Variants in DPP4 observed in about 807,000 individuals in gnomAD.
DPP4 encodes the protein ADCP-2.
In DPP4, 93 loss-of-function variants were observed where a neutral mutation model predicts 122.4. The ratio of observed to expected loss-of-function variants is 0.76; its 90% CI spans 0.64 to 0.90. The LOEUF (loss-of-function observed/expected upper bound fraction) is 0.90, where lower values mean the gene tolerates loss of function less well. Among genes scored for constraint, DPP4 ranks in the 40% least tolerant of loss-of-function variants. The probability of loss-of-function intolerance (pLI) is 0.00; values close to 1 mark genes in which losing one functional copy is unlikely to be tolerated. For synonymous variants in DPP4, 321 were observed against 302.9 expected (o/e 1.06, Z -0.62); for missense variants, 914 against 907.3 (o/e 1.01, Z -0.09).
chr2:162,066,286 T>C (rs1279313717), intron 2 of DPP4, among the ~76,000 whole-genome samples: 1 of 151,964 alleles, frequency 6.6e-6, no homozygotes, highest in Non-Finnish European at 1.5e-5. Context: ...CCTCCAGTGC[T>C]ACCATCCTTC....
At chr2:162,065,905 C>A (rs1684931777) in intron 2 of DPP4, among the ~76,000 whole-genome samples, 1 of 152,136 alleles carries the variant, frequency 6.6e-6, no homozygotes, top group South Asian at 2.1e-4. Context: ...GTCTTTCTAT[C>A]CCTAGGGACC....
intron 4 of DPP4, among the ~76,000 whole-genome samples, chr2:162,046,264 C>G (rs545537310): frequency 3.3e-5 from 5 of 152,004 alleles, no homozygotes; most frequent in Non-Finnish European, 5.9e-5. Context: ...AGGGTTTAAG[C>G]GAGGACTGTC....
At chr2:162,062,780 A>G (rs1342375798) in intron 2 of DPP4, among the ~76,000 whole-genome samples, 2 of 152,194 alleles carry the variant, frequency 1.3e-5, no homozygotes, top group Non-Finnish European at 2.9e-5. Context: ...CATGTGATTC[A>G]GTCAGGCCCA....
chr2:162,030,412 G>A (rs560547498), intron 10 of DPP4, among the ~76,000 whole-genome samples: 2 of 152,292 alleles, frequency 1.3e-5, no homozygotes, highest in African/African-American at 4.8e-5. Flanking sequence ...TCCTCCTGTG[G>A]ATTTCACTTG....
At chr2:162,054,083 G>T (rs1684480668) in intron 2 of DPP4, among the ~76,000 whole-genome samples, 1 of 152,202 alleles carries the variant, frequency 6.6e-6, no homozygotes, top group African/African-American at 2.4e-5. Flanking sequence ...ACCCTAGCAT[G>T]TCTGAAACAT....
intron 20 of DPP4, among the ~76,000 whole-genome samples, chr2:162,011,522 A>G (rs1020382929): frequency 6.6e-6 from 1 of 152,096 alleles, no homozygotes; most frequent in Non-Finnish European, 1.5e-5. Flanking sequence ...TTCTGTTCTT[A>G]GAATGTGGTA....
intron 5 of DPP4, among the ~76,000 whole-genome samples, chr2:162,041,399 T>G (rs1186876074): frequency 6.6e-6 from 1 of 152,146 alleles, no homozygotes; most frequent in Non-Finnish European, 1.5e-5. Context: ...AATAAAATTC[T>G]AATTGTATCA....
chr2:162,062,468 T>TA (rs1684807840), intron 2 of DPP4, among the ~76,000 whole-genome samples: 1 of 152,350 alleles, frequency 6.6e-6, no homozygotes, highest in South Asian at 2.1e-4. Flanking sequence ...ATTGTGAGGT[T>TA]AAAATCAAAG....
At chr2:162,073,827 G>C in intron 1 of DPP4, 149 bp downstream of exon 1, 1 of 1,083,044 alleles carries the variant, frequency 9.2e-7, no homozygotes. Context: ...AGAGCTCTGG[G>C]ACGTCCCTTC....
chr2:162,014,036 G>T (rs1682813432), intron 19 of DPP4, among the ~76,000 whole-genome samples: 1 of 152,134 alleles, frequency 6.6e-6, no homozygotes, highest in African/African-American at 2.4e-5. Context: ...AGTGGGAGCT[G>T]GGGTAAGGGA....
At chr2:162,014,836 T>C (rs1682852024) in intron 18 of DPP4, among the ~76,000 whole-genome samples, 1 of 152,250 alleles carries the variant, frequency 6.6e-6, no homozygotes. Flanking sequence ...CAAAATGTTT[T>C]CCTCTTCTTG....
At chr2:162,072,170 T>G (rs942337785) in intron 2 of DPP4, among the ~76,000 whole-genome samples, 1 of 152,356 alleles carries the variant, frequency 6.6e-6, no homozygotes, top group Non-Finnish European at 1.5e-5. Context: ...ACTAACGCGG[T>G]GCCTGGAACA....
In DPP4 at chr2:161,995,352, T is replaced by C. The variant is rs1320283875; in HGVS notation, c.2073A>G (p.Arg691=). 6.2e-7 allele frequency: 1 copy of C among 1,614,040 alleles called. No individual in the cohort carries two copies. Among genetic ancestry groups the C allele is most frequent in the East Asian group, 2.2e-5 (1 of 44,880 alleles). The change falls in exon 24 of 26, where the codon AGA becomes AGG. Residue 691 remains arginine (R), a synonymous_variant. Transcript: ENST00000360534. ...ACTCAACTTGTTTAAAATTTTCAGC[T>C]CTGCTCATGACTGTTGAATTCTGGA... ...DHYRNSTVMS[R]AENFKQVEYL...
intron 10 of DPP4, among the ~76,000 whole-genome samples, chr2:162,030,194 T>C (rs1433870810): frequency 2.0e-5 from 3 of 152,240 alleles, no homozygotes; most frequent in East Asian, 3.8e-4. Flanking sequence ...TTTCCAGTTC[T>C]CATTATGAAC....
intron 20 of DPP4, among the ~76,000 whole-genome samples, chr2:162,009,507 T>A (rs1701365135): frequency 7.2e-6 from 1 of 138,372 alleles, no homozygotes; most frequent in Non-Finnish European, 1.5e-5. Context: ...TTGGAGTTCA[T>A]AAAAATTGTG....
Position 161,997,623 on chromosome 2 carries a change from C to G in DPP4, c.2053-2251G>C, listed in dbSNP as rs530770383. 6.8e-4 allele frequency among the ~76,000 whole-genome samples: 104 copies of G among 152,178 alleles called. 1 individual carries two copies. The highest frequency in any genetic ancestry group is 2.5e-3 in the African/African-American group (103 of 41,520). On this transcript the variant is annotated intron_variant, in intron 23 of 25. Coordinates refer to ENST00000360534, the MANE Select transcript of DPP4 (RefSeq NM_001935.4). ...CTGAAATGTATTGAGATATATTTTGCCCACTTTCTATCCATACACCATACC... is the reference window on the plus strand; with the variant it reads ...CTGAAATGTATTGAGATATATTTTGGCCACTTTCTATCCATACACCATACC...
rs769873570 is a variant in DPP4, at chr2:162,047,520, C to A, written c.95-19G>T. On this transcript the variant is annotated intron_variant, in intron 2 of 25. Transcript: ENST00000360534. The stretch of plus-strand genomic sequence containing the variant: ...TCATCTGCTGGTTGAAAGAAAGAGC[C>A]AAATGTTCATTTCAGTAAGATGGAA... The A allele has an allele frequency of 1.3e-6, 2 of 1,511,354 alleles. No individual in the cohort carries two copies. Among genetic ancestry groups the A allele is most frequent in the Non-Finnish European group, 1.8e-6 (2 of 1,105,962 alleles). 93.6% of individuals were successfully genotyped at this position (1,511,354 alleles called of 1,614,324 possible). A position where few individuals can be genotyped will look rare whatever the true frequency, so the allele number is the denominator to read the frequency against.
intron 2 of DPP4, among the ~76,000 whole-genome samples, chr2:162,070,016 A>C (rs1314715235): frequency 6.6e-6 from 1 of 152,246 alleles, no homozygotes; most frequent in African/African-American, 2.4e-5. Flanking sequence ...TATAGTGTAA[A>C]AGAAAAAATA....
At chr2:162,042,035 AC>A (rs2106128038) in intron 5 of DPP4, among the ~76,000 whole-genome samples, 1 of 152,280 alleles carries the variant, frequency 6.6e-6, no homozygotes, top group East Asian at 1.9e-4. Flanking sequence ...GAGGTTAGTG[AC>A]AGAGGGTGAC....
Sources: gnomAD v4.1 joint callset for allele counts (sites outside exome capture counted in the v4.1 genomes callset) on GRCh38, gnomAD v4.1.1 for gene constraint, MANE v1.5 for transcripts, NCBI Gene and HGNC (gene_info 2026-07-23, HGNC 2026-07-21) for gene names.